The following GRAMD1C variants were observed in gnomAD, a reference collection of about 807,000 sequenced individuals.
GRAMD1C encodes GRAM domain containing 1C.
Under a neutral mutation model 97.8 loss-of-function variants are expected in GRAMD1C, and 89 were observed. The observed-to-expected ratio is 0.91, with a 90% CI of 0.77 to 1.09. The LOEUF is 1.09. Among genes scored for constraint, GRAMD1C ranks in the 50% least tolerant of loss-of-function variants. GRAMD1C has a pLI of 0.00. For missense variants in GRAMD1C, 740 were observed against 766.4 expected (o/e 0.97, Z 0.41); for synonymous variants, 256 against 267.0 (o/e 0.96, Z 0.40).
intron 2 of GRAMD1C, among the ~76,000 whole-genome samples, chr3:113,862,527 G>A (rs534899486): frequency 5.9e-5 from 9 of 152,158 alleles, no homozygotes; most frequent in Admixed American, 2.0e-4. Flanking sequence ...TTTTCAAGGC[G>A]CCCAGATTTC....
chr3:113,915,889 T>G, intron 10 of GRAMD1C, 51 bp downstream of exon 10: 1 of 1,356,828 alleles, frequency 7.4e-7, no homozygotes, highest in Non-Finnish European at 1.0e-6. Context: ...ATGCTATTAT[T>G]CTTAGAATAT....
At chr3:113,849,303 A>ATTT (rs1170238787) in intron 2 of GRAMD1C, among the ~76,000 whole-genome samples, 6 of 143,346 alleles carry the variant, frequency 4.2e-5, no homozygotes, top group Non-Finnish European at 6.2e-5. Context: ...TTATTTATTT[A>ATTT]TTTATTTTTT....
Position 113,936,423 on chromosome 3 carries a change from T to A in GRAMD1C, c.1614T>A (p.Gly538=). The A allele has an allele frequency of 1.2e-6, 2 of 1,608,624 alleles. No individual in the cohort carries two copies. The highest frequency in any genetic ancestry group is 1.7e-6 in the Non-Finnish European group (2 of 1,177,356). The change falls in exon 14 of 18, where the codon GGT becomes GGA. Residue 538 remains glycine, a synonymous_variant. Coordinates refer to ENST00000358160, the MANE Select transcript of GRAMD1C (RefSeq NM_017577.5). ...SQHSSGDVGL[G]AKGDITGKKK... The stretch of plus-strand genomic sequence containing the variant: ...ATTCCTCTGGAGATGTGGGCTTAGG[T>A]GCCAAAGGGGATATTACAGGTAGTT...
rs541750301 is a variant in GRAMD1C, at chr3:113,920,505, G to A, written c.1090+4667G>A. Among the ~76,000 whole-genome samples the A allele has an allele frequency of 9.2e-5, 14 of 152,054 alleles. 1 individual carries two copies. The South Asian group carries it at 1.9e-3, about 20-fold the overall frequency. The stretch of plus-strand genomic sequence containing the variant: ...ATCAGCATAAACATTAAAAATTTTC[G>A]GGTGAGAAAAATAAATAAAATTAGG... On this transcript the variant is annotated intron_variant, in intron 10 of 17. Coordinates refer to ENST00000358160, the MANE Select transcript of GRAMD1C (RefSeq NM_017577.5).
intron 10 of GRAMD1C, among the ~76,000 whole-genome samples, chr3:113,922,056 A>G (rs1157393997): frequency 4.0e-5 from 6 of 150,826 alleles, no homozygotes; most frequent in Non-Finnish European, 8.9e-5. Context: ...CCAGAATGGT[A>G]TTTTCTAAAT....
At chr3:113,909,474 A>G (rs1300325220) in intron 9 of GRAMD1C, among the ~76,000 whole-genome samples, 1 of 152,208 alleles carries the variant, frequency 6.6e-6, no homozygotes, top group Non-Finnish European at 1.5e-5. Context: ...TTTTCCTGGT[A>G]GGGAAAATAA....
At chr3:113,860,462 C>T (rs1428459375) in intron 2 of GRAMD1C, among the ~76,000 whole-genome samples, 1 of 152,190 alleles carries the variant, frequency 6.6e-6, no homozygotes, top group African/African-American at 2.4e-5. Flanking sequence ...ACTTCTCAGA[C>T]TAATCTACAG....
rs536796759 is a variant in GRAMD1C at position 113,946,786 on chromosome 3, T to A, written c.*1308T>A. 1 of 152,364 alleles carries A rather than the reference T, an allele frequency of 6.6e-6. No homozygotes were observed. The highest frequency in any genetic ancestry group is 2.4e-5 in the African/African-American group (1 of 41,592). 9.4% of individuals were successfully genotyped at this position (152,364 alleles called of 1,614,324 possible). A position where few individuals can be genotyped will look rare whatever the true frequency, so the allele number is the denominator to read the frequency against. ...CCACATGGCATTATTATAGTCATTT[T>A]TGAGATGCCTGTAGAGAATGAAAGT... On this transcript the variant is annotated 3_prime_UTR_variant, in exon 18 of 18. Coordinates refer to ENST00000358160, the MANE Select transcript of GRAMD1C (RefSeq NM_017577.5).
chr3:113,933,571 C>T lies in GRAMD1C; in HGVS notation c.1270C>T (p.His424Tyr), dbSNP rs1200696483. 2 of 1,600,878 alleles carry T rather than the reference C, an allele frequency of 1.2e-6. No homozygotes were observed. The highest frequency in any genetic ancestry group is 4.5e-5 in the East Asian group (2 of 44,800). ...TTTGGTAGATTCAGAAGTACTGACACATGATGTCCCCTACCATGATTACTT... is the reference window on the plus strand; with the variant it reads ...TTTGGTAGATTCAGAAGTACTGACATATGATGTCCCCTACCATGATTACTT... ...FYLVDSEVLT[H>Y]DVPYHDYFYT... The change falls in exon 12 of 18, where the codon CAT becomes TAT. Residue 424 changes from histidine to tyrosine, a missense_variant. His to Tyr is a moderately conservative substitution (Grantham distance 83). Transcript: ENST00000358160.
At chr3:113,928,070 A>T (rs1391265964) in intron 10 of GRAMD1C, among the ~76,000 whole-genome samples, 1 of 152,094 alleles carries the variant, frequency 6.6e-6, no homozygotes. Context: ...ACAATCCTCC[A>T]GGGAGCTCTC....
intron 1 of GRAMD1C, 126 bp from the exon 2 acceptor site, chr3:113,844,377 C>G (rs1933513573): frequency 3.5e-6 from 2 of 573,404 alleles, no homozygotes; most frequent in East Asian, 6.8e-5. Flanking sequence ...GTATTTATTA[C>G]TGTCTTCTAA....
Position 113,938,085 on chromosome 3 carries a change from G to A in GRAMD1C, c.1634-1G>A. The A allele has an allele frequency of 6.7e-7, 1 of 1,483,524 alleles. No individual in the cohort carries two copies. Among genetic ancestry groups the A allele is most frequent in the Non-Finnish European group, 9.3e-7 (1 of 1,077,410 alleles). 91.9% of individuals were successfully genotyped at this position (1,483,524 alleles called of 1,614,324 possible). A position where few individuals can be genotyped will look rare whatever the true frequency, so the allele number is the denominator to read the frequency against. ...TGCAGCCTTTTTCTTGTGATCTACA[G>A]GAAAGAAAAAGGAAATGGAAAACTA... On this transcript the variant is annotated splice_acceptor_variant, in intron 14 of 17. Transcript: ENST00000358160. LOFTEE classifies it high-confidence loss of function.
intron 6 of GRAMD1C, chr3:113,886,175 G>A: frequency 7.0e-7 from 1 of 1,437,528 alleles, no homozygotes; most frequent in Non-Finnish European, 9.1e-7. Context: ...TGCCCTGGGA[G>A]CCCTACACTC....
intron 6 of GRAMD1C, among the ~76,000 whole-genome samples, chr3:113,895,557 T>G (rs1315242718): frequency 6.6e-6 from 1 of 152,214 alleles, no homozygotes; most frequent in Non-Finnish European, 1.5e-5. Context: ...TCCAAAAGTT[T>G]TCCAGTAGTG....
At chr3:113,860,247 C>T (rs1934311504) in intron 2 of GRAMD1C, among the ~76,000 whole-genome samples, 1 of 152,150 alleles carries the variant, frequency 6.6e-6, no homozygotes, top group African/African-American at 2.4e-5. Flanking sequence ...GTCTCAAACT[C>T]CTGACCTCAT....
chr3:113,869,018 C>T (rs1453234175), intron 2 of GRAMD1C, among the ~76,000 whole-genome samples: 2 of 151,992 alleles, frequency 1.3e-5, no homozygotes, highest in Admixed American at 6.6e-5. Flanking sequence ...GATTTTCTGC[C>T]TCCAATCCAA....
At chr3:113,885,309 G>T in intron 6 of GRAMD1C, 1 of 1,564,934 alleles carries the variant, frequency 6.4e-7, no homozygotes, top group South Asian at 1.1e-5. Context: ...TGGTGCGGAC[G>T]CAGTGTCTGC....
intron 2 of GRAMD1C, among the ~76,000 whole-genome samples, chr3:113,867,454 G>A (rs549972875): frequency 1.3e-4 from 19 of 151,764 alleles, no homozygotes; most frequent in African/African-American, 4.6e-4. Flanking sequence ...CACCACACCC[G>A]GCTAATTTTT....
chr3:113,884,915 C>T (rs1935398491), intron 6 of GRAMD1C, among the ~76,000 whole-genome samples: 1 of 138,316 alleles, frequency 7.2e-6, no homozygotes, highest in Non-Finnish European at 1.6e-5. Context: ...CCCTCCCCCT[C>T]CCTTTTCCCT....
Sources: gnomAD v4.1 joint callset for allele counts (sites outside exome capture counted in the v4.1 genomes callset) on GRCh38, gnomAD v4.1.1 for gene constraint, MANE v1.5 for transcripts, NCBI Gene and HGNC (gene_info 2026-07-23, HGNC 2026-07-21) for gene names.